Variants in CADPS observed in about 807,000 individuals in gnomAD.
CADPS encodes the protein calcium-dependent secretion activator 1.
Under a neutral mutation model 167.3 loss-of-function variants are expected in CADPS, and 57 were observed. The ratio of observed to expected loss-of-function variants is 0.34; its 90% CI spans 0.28 to 0.42. The LOEUF (loss-of-function observed/expected upper bound fraction) is 0.42, where lower values mean the gene tolerates loss of function less well. Ranked by LOEUF, CADPS falls within the 20% of genes least tolerant of loss-of-function variation. The probability of loss-of-function intolerance (pLI) is 1.00; values close to 1 mark genes in which losing one functional copy is unlikely to be tolerated. For synonymous variants in CADPS, 676 were observed against 635.3 expected, an observed-to-expected ratio of 1.06 and a Z score of -0.96; for missense variants, 1,414 against 1,738.1, an observed-to-expected ratio of 0.81 and a Z score of 3.32.
chr3:62,803,599 T>A (rs925357719), intron 1 of CADPS, among the ~76,000 whole-genome samples: 30 of 152,210 alleles, frequency 2.0e-4, no homozygotes, highest in Middle Eastern at 3.4e-3. Flanking sequence ...CTGGGTTCCT[T>A]ACCCTCCTTG....
rs138029211 is a variant in CADPS, at chr3:62,417,217, T to G, written c.3778-14032A>C. ...TCTGAGAAGTTCTGTAGTAGAGAAG[T>G]CCGTTTAACTTTGTGTTTTTCCAAA... On this transcript the variant is annotated intron_variant, in intron 28 of 29. Transcript: ENST00000383710. 1.9e-3 allele frequency among the ~76,000 whole-genome samples: 292 copies of G among 151,888 alleles called. 3 individuals carry two copies. Among genetic ancestry groups the G allele is most frequent in the South Asian group, 0.014 (67 of 4,824 alleles).
intron 2 of CADPS, among the ~76,000 whole-genome samples, chr3:62,757,010 T>C (rs756232669): frequency 6.6e-6 from 1 of 152,138 alleles, no homozygotes; most frequent in Non-Finnish European, 1.5e-5. Flanking sequence ...CCAGTTCACA[T>C]TCTTTGGCTT....
Position 62,838,985 on chromosome 3 carries a change from AG to A in CADPS, c.441+35603del, listed in dbSNP as rs573014215. Among the ~76,000 whole-genome samples, 83 of 152,352 alleles carry A rather than the reference AG, an allele frequency of 5.4e-4. 1 individual carries two copies. The South Asian group carries it at 0.011, about 20-fold the overall frequency. Reference sequence around the variant, plus strand: ...GAATAAGAGAATGTTCTTTCCCTGAAGGAACTCATGGCCTGGGTCAGGCAGA... The same window carrying A: ...GAATAAGAGAATGTTCTTTCCCTGAAGAACTCATGGCCTGGGTCAGGCAGA... On this transcript the variant is annotated intron_variant, in intron 1 of 29. Transcript: ENST00000383710.
At chr3:62,864,662 T>G (rs1300758987) in intron 1 of CADPS, among the ~76,000 whole-genome samples, 2 of 152,170 alleles carry the variant, frequency 1.3e-5, no homozygotes, top group African/African-American at 4.8e-5. Context: ...AGGACATCAG[T>G]CATAATGGAT....
chr3:62,723,721 T>C (rs1383466029), intron 3 of CADPS, among the ~76,000 whole-genome samples: 1 of 152,214 alleles, frequency 6.6e-6, no homozygotes, highest in African/African-American at 2.4e-5. Flanking sequence ...AGTGGAACCC[T>C]TGCTAATTTA....
At chr3:62,691,117 A>G (rs1388246854) in intron 3 of CADPS, among the ~76,000 whole-genome samples, 1 of 152,052 alleles carries the variant, frequency 6.6e-6, no homozygotes, top group Non-Finnish European at 1.5e-5. Flanking sequence ...GACACTCTGG[A>G]AAGTGCACCT....
At chr3:62,624,008 T>A (rs992292691) in intron 6 of CADPS, among the ~76,000 whole-genome samples, 1 of 151,994 alleles carries the variant, frequency 6.6e-6, no homozygotes, top group African/African-American at 2.4e-5. Flanking sequence ...TAGTTATAGA[T>A]TTCTTTCTTC....
chr3:62,870,238 G>A (rs962424250), intron 1 of CADPS, among the ~76,000 whole-genome samples: 4 of 152,058 alleles, frequency 2.6e-5, no homozygotes, highest in Non-Finnish European at 5.9e-5. Flanking sequence ...TCGTCACTTT[G>A]TTCTCTCAAA....
intron 3 of CADPS, among the ~76,000 whole-genome samples, chr3:62,725,729 C>T (rs79502435): frequency 0.095 from 14,356 of 151,872 alleles, 818 homozygotes; most frequent in South Asian, 0.16. Flanking sequence ...TCTGTACTAA[C>T]CGCTGAAGAA....
chr3:62,467,340 A>G, intron 24 of CADPS: 1 of 1,240,394 alleles, frequency 8.1e-7, no homozygotes, highest in South Asian at 1.4e-5. Flanking sequence ...AATTAGGAAC[A>G]GAAAAAAAAA....
intron 9 of CADPS, among the ~76,000 whole-genome samples, chr3:62,570,618 A>C (rs74802919): frequency 0.013 from 1,920 of 152,316 alleles, 40 homozygotes; most frequent in African/African-American, 0.043. Context: ...CGAATTAAAA[A>C]ATTATGAGTA....
At position 62,626,218 on chromosome 3, in the gene CADPS, T is replaced by C. The variant is rs1386355204; in HGVS notation, c.1325+19504A>G. 3 of 249,738 alleles carry C rather than the reference T, an allele frequency of 1.2e-5. 1 individual carries two copies. Among genetic ancestry groups the C allele is most frequent in the African/African-American group, 6.9e-5 (3 of 43,304 alleles). 15.5% of individuals were successfully genotyped at this position (249,738 alleles called of 1,614,324 possible). A position where few individuals can be genotyped will look rare whatever the true frequency, so the allele number is the denominator to read the frequency against. Reference sequence around the variant, plus strand: ...ACGTTCACTTGACATTTCATTCCGGTCATTGAGAAGACAAAGCCAGCTAAG... The same window carrying C: ...ACGTTCACTTGACATTTCATTCCGGCCATTGAGAAGACAAAGCCAGCTAAG... On this transcript the variant is annotated intron_variant, in intron 6 of 29. Transcript: ENST00000383710.
chr3:62,855,431 T>C (rs994481465), intron 1 of CADPS, among the ~76,000 whole-genome samples: 4 of 152,068 alleles, frequency 2.6e-5, no homozygotes, highest in South Asian at 2.1e-4. Flanking sequence ...TATGTTATCA[T>C]GCCATGATTA....
rs553277329 is a variant in CADPS, at chr3:62,630,037, T to C, written c.1325+15685A>G. Among the ~76,000 whole-genome samples the C allele has an allele frequency of 3.3e-5, 5 of 152,306 alleles. No homozygotes were observed. The South Asian group carries it at 1.0e-3, about 32-fold the overall frequency. On this transcript the variant is annotated intron_variant, in intron 6 of 29. Coordinates refer to ENST00000383710, the MANE Select transcript of CADPS (RefSeq NM_003716.4). ...TCATAGAATTCATTGGTGTCTTAAATTATTTCATTTGTTTACATACTTTTT... is the reference window on the plus strand; with the variant it reads ...TCATAGAATTCATTGGTGTCTTAAACTATTTCATTTGTTTACATACTTTTT...
At chr3:62,559,101 C>A (rs1162368556) in intron 9 of CADPS, among the ~76,000 whole-genome samples, 1 of 152,104 alleles carries the variant, frequency 6.6e-6, no homozygotes, top group Non-Finnish European at 1.5e-5. Context: ...TGTGTGATAC[C>A]CATAGAGCGA....
In CADPS at chr3:62,850,473, G is replaced by A. The variant is rs1437953208; in HGVS notation, c.441+24116C>T. Among the ~76,000 whole-genome samples, 421 of 120,296 alleles carry A rather than the reference G, an allele frequency of 3.5e-3. 1 individual carries two copies. In the Middle Eastern group the frequency reaches 0.066, roughly 19 times the overall value. 78.9% of individuals were successfully genotyped at this position (120,296 alleles called of 152,430 possible). On this transcript the variant is annotated intron_variant, in intron 1 of 29. Transcript: ENST00000383710. ...CGTCCCAGAGATTCTGGTATGTTGT[G>A]TCTTTGTTCTCGTTGGTTTCAAAGA...
intron 3 of CADPS, among the ~76,000 whole-genome samples, chr3:62,737,796 C>T (rs1365809275): frequency 6.6e-6 from 1 of 152,110 alleles, no homozygotes; most frequent in Non-Finnish European, 1.5e-5. Flanking sequence ...TGATCTTCCC[C>T]AGGCTGTTCC....
At chr3:62,494,039 G>A (rs1442843632) in intron 18 of CADPS, among the ~76,000 whole-genome samples, 2 of 152,024 alleles carry the variant, frequency 1.3e-5, no homozygotes, top group African/African-American at 2.4e-5. Flanking sequence ...ATAGATCCTA[G>A]GATGGAAAAA....
intron 26 of CADPS, among the ~76,000 whole-genome samples, chr3:62,461,411 T>A (rs1303026447): frequency 1.3e-5 from 2 of 152,166 alleles, no homozygotes; most frequent in Non-Finnish European, 2.9e-5. Flanking sequence ...CTCCCTACCC[T>A]GTGCTGTCTT....
Sources: gnomAD v4.1 joint callset for allele counts (sites outside exome capture counted in the v4.1 genomes callset) on GRCh38, gnomAD v4.1.1 for gene constraint, MANE v1.5 for transcripts, NCBI Gene and HGNC (gene_info 2026-07-23, HGNC 2026-07-21) for gene names.